Variants in CNBD1 observed in about 807,000 individuals in gnomAD.
CNBD1 encodes cyclic nucleotide binding domain containing 1.
CNBD1 carries 71 observed loss-of-function variants against 54.4 expected under a neutral mutation model. That is an observed-to-expected ratio of 1.30 (90% CI 1.08 to 1.59). The LOEUF (loss-of-function observed/expected upper bound fraction) is 1.59, where lower values mean the gene tolerates loss of function less well. CNBD1 is among the 40% of genes most tolerant of loss of function. The pLI, the probability that CNBD1 is intolerant of heterozygous loss-of-function variation, is 0.00. For missense variants in CNBD1, 659 were observed against 518.0 expected, an observed-to-expected ratio of 1.27 and a Z score of -2.64; for synonymous variants, 182 against 170.7, an observed-to-expected ratio of 1.07 and a Z score of -0.51.
At chr8:86,953,646 C>T (rs34517563) in intron 4 of CNBD1, among the ~76,000 whole-genome samples, 3,813 of 152,194 alleles carry the variant, frequency 0.025, 77 homozygotes, top group South Asian at 0.042. Context: ...GTGGGTGGAT[C>T]GCCTGAGATC....
At chr8:87,045,732 A>AAAAC (rs1810170056) in intron 4 of CNBD1, among the ~76,000 whole-genome samples, 1 of 149,190 alleles carries the variant, frequency 6.7e-6, no homozygotes, top group African/African-American at 2.5e-5. Context: ...CTCAAAAAAA[A>AAAAC]AAAAAAAAAA....
At chr8:87,346,305 G>A (rs1006972738) in intron 8 of CNBD1, among the ~76,000 whole-genome samples, 4 of 152,220 alleles carry the variant, frequency 2.6e-5, no homozygotes, top group African/African-American at 9.6e-5. Context: ...GCCTCCCAAA[G>A]TGCTGGTATC....
At chr8:87,131,185 T>C (rs774135615) in intron 4 of CNBD1, among the ~76,000 whole-genome samples, 2 of 152,144 alleles carry the variant, frequency 1.3e-5, no homozygotes, top group Non-Finnish European at 2.9e-5. Context: ...TCAATGAAAT[T>C]TTCGTGTGCT....
At chr8:87,424,474 T>C (rs1808007223) in intron 2 of CNBD1, among the ~76,000 whole-genome samples, 1 of 152,224 alleles carries the variant, frequency 6.6e-6, no homozygotes, top group African/African-American at 2.4e-5. Context: ...TGGTATGTTG[T>C]GTCTTTGTTC....
rs543227493 is a variant in CNBD1, at chr8:87,230,278, T to C, written c.578-6641T>C. ...GAGGCCACATCTCCAACACTGGGGA[T>C]TACAATTCGACAGGAGATTTGGGCA... On this transcript the variant is annotated intron_variant, in intron 5 of 10. Transcript: ENST00000518476. Among the ~76,000 whole-genome samples, 26 of 152,268 alleles carry C rather than the reference T, an allele frequency of 1.7e-4. No homozygotes were observed. In the South Asian group the frequency reaches 4.6e-3, roughly 27 times the overall value.
intron 4 of CNBD1, among the ~76,000 whole-genome samples, chr8:87,168,719 T>A (rs1813023210): frequency 2.6e-5 from 4 of 152,050 alleles, no homozygotes; most frequent in Admixed American, 2.6e-4. Context: ...TCACTTAACA[T>A]AATGACCTCC....
At chr8:87,339,051 A>G (rs953243926) in intron 8 of CNBD1, among the ~76,000 whole-genome samples, 70 of 152,140 alleles carry the variant, frequency 4.6e-4, no homozygotes, top group Non-Finnish European at 1.0e-4. Context: ...TCCAAGTGGA[A>G]AGCTAGAGTT....
At chr8:87,374,884 C>A (rs974379786) in intron 10 of CNBD1, among the ~76,000 whole-genome samples, 2 of 151,824 alleles carry the variant, frequency 1.3e-5, no homozygotes, top group African/African-American at 4.8e-5. Context: ...TTGAATTAAG[C>A]AACCAAGATT....
intron 4 of CNBD1, among the ~76,000 whole-genome samples, chr8:86,983,359 A>G (rs1808533333): frequency 6.6e-6 from 1 of 152,152 alleles, no homozygotes; most frequent in African/African-American, 2.4e-5. Flanking sequence ...CCAGTCTCAG[A>G]TATGTCTTTA....
chr8:86,945,829 C>T (rs1807451572), intron 4 of CNBD1, among the ~76,000 whole-genome samples: 1 of 152,172 alleles, frequency 6.6e-6, no homozygotes, highest in Non-Finnish European at 1.5e-5. Context: ...AACTCATTGA[C>T]AGTAGACTGG....
chr8:87,422,341 T>A lies in CNBD1; in HGVS notation c.214-6205T>A, dbSNP rs1203633678. On this transcript the variant is annotated intron_variant, in intron 2 of 7. Transcript: ENST00000521593. ...TGCTTTTGGTGTTTTAGACATGAAGTCCTTGCCCGTGCCTATGTCCTGAAT... is the reference window on the plus strand; with the variant it reads ...TGCTTTTGGTGTTTTAGACATGAAGACCTTGCCCGTGCCTATGTCCTGAAT... Among the ~76,000 whole-genome samples, 409 of 147,838 alleles carry A rather than the reference T, an allele frequency of 2.8e-3. 1 individual carries two copies. Among genetic ancestry groups the A allele is most frequent in the African/African-American group, 9.8e-3 (380 of 38,786 alleles).
chr8:87,101,888 A>ATTTTTT (rs373181788), intron 4 of CNBD1, among the ~76,000 whole-genome samples: 4 of 137,444 alleles, frequency 2.9e-5, no homozygotes, highest in Admixed American at 2.2e-4. Flanking sequence ...AGTAGATTTA[A>ATTTTTT]TTTTTTTTTT....
intron 2 of CNBD1, among the ~76,000 whole-genome samples, chr8:87,391,445 C>T (rs988828450): frequency 6.6e-6 from 1 of 151,866 alleles, no homozygotes; most frequent in Non-Finnish European, 1.5e-5. Context: ...AGACATACAC[C>T]TCCCAATTTC....
intron 6 of CNBD1, among the ~76,000 whole-genome samples, chr8:87,263,142 T>C (rs1808175679): frequency 6.6e-6 from 1 of 152,044 alleles, no homozygotes; most frequent in Non-Finnish European, 1.5e-5. Flanking sequence ...TATATAGTGG[T>C]TTCAACCTTG....
chr8:87,207,534 A>G (rs764321104), intron 5 of CNBD1, among the ~76,000 whole-genome samples: 3 of 152,078 alleles, frequency 2.0e-5, no homozygotes, highest in Non-Finnish European at 4.4e-5. Context: ...TCAAAAATAC[A>G]TATTTTTAAA....
At chr8:87,240,242 T>G (rs142680617) in intron 6 of CNBD1, among the ~76,000 whole-genome samples, 483 of 152,294 alleles carry the variant, frequency 3.2e-3, no homozygotes, top group Non-Finnish European at 5.8e-3. Context: ...AGCAAATTAT[T>G]AAGTTGAAGA....
intron 4 of CNBD1, among the ~76,000 whole-genome samples, chr8:87,137,493 C>T (rs1371196602): frequency 6.6e-6 from 1 of 151,922 alleles, no homozygotes; most frequent in Non-Finnish European, 1.5e-5. Context: ...TGAGCCACCG[C>T]GGCCGGCCAG....
rs563066868 is a variant in CNBD1 at position 87,110,642 on chromosome 8, C to T, written c.432-95351C>T. Among the ~76,000 whole-genome samples the T allele has an allele frequency of 3.7e-4, 57 of 152,298 alleles. 1 individual carries two copies. In the South Asian group the frequency reaches 9.7e-3, roughly 26 times the overall value. Reference sequence around the variant, plus strand: ...AGCATGTTGCTGACCAAGGGCATCCCGAGTACATGCCACTTCTGTTCATCA... The same window carrying T: ...AGCATGTTGCTGACCAAGGGCATCCTGAGTACATGCCACTTCTGTTCATCA... On this transcript the variant is annotated intron_variant, in intron 4 of 10. Coordinates refer to ENST00000518476, the MANE Select transcript of CNBD1 (RefSeq NM_173538.3).
At chr8:87,275,662 C>A (rs965267370) in intron 6 of CNBD1, among the ~76,000 whole-genome samples, 2 of 150,796 alleles carry the variant, frequency 1.3e-5, no homozygotes, top group Admixed American at 6.6e-5. Context: ...AAAACTGGCA[C>A]AAGACAGGGA....
Sources: gnomAD v4.1 joint callset for allele counts (sites outside exome capture counted in the v4.1 genomes callset) on GRCh38, gnomAD v4.1.1 for gene constraint, MANE v1.5 for transcripts, NCBI Gene and HGNC (gene_info 2026-07-23, HGNC 2026-07-21) for gene names.